The following PLOD2 variants were observed in gnomAD, a reference collection of about 807,000 sequenced individuals.
The protein encoded by PLOD2 is lysine hydroxylase 2.
Under a neutral mutation model 101.0 loss-of-function variants are expected in PLOD2, and 65 were observed. That is an observed-to-expected ratio of 0.64 (90% CI 0.53 to 0.79). The LOEUF (loss-of-function observed/expected upper bound fraction) is 0.79. Ranked by LOEUF, PLOD2 falls within the 30% of genes least tolerant of loss-of-function variation. PLOD2 has a pLI of 0.00. For missense variants in PLOD2, 909 were observed against 914.6 expected, an observed-to-expected ratio of 0.99 and a Z score of 0.08; for synonymous variants, 314 against 302.9, an observed-to-expected ratio of 1.04 and a Z score of -0.38.
chr3:146,084,711 G>T (rs182463900), intron 11 of PLOD2, among the ~76,000 whole-genome samples: 7 of 152,174 alleles, frequency 4.6e-5, no homozygotes, highest in African/African-American at 1.4e-4. Flanking sequence ...ACTGTGAAGT[G>T]ATAACTAGTT....
At chr3:146,136,749 CG>C (rs2031251804) in intron 1 of PLOD2, among the ~76,000 whole-genome samples, 1 of 152,052 alleles carries the variant, frequency 6.6e-6, no homozygotes, top group Non-Finnish European at 1.5e-5. Flanking sequence ...CCTAAATATT[CG>C]GTACAGTAAC....
intron 1 of PLOD2, among the ~76,000 whole-genome samples, chr3:146,146,994 A>G (rs993288171): frequency 6.6e-6 from 1 of 152,202 alleles, no homozygotes; most frequent in Non-Finnish European, 1.5e-5. Flanking sequence ...TGTAAGGCCT[A>G]TAGGCAGAGA....
chr3:146,085,586 T>C (rs1031879091), intron 10 of PLOD2: 11 of 377,308 alleles, frequency 2.9e-5, no homozygotes, highest in South Asian at 5.4e-5. Flanking sequence ...CATACATACA[T>C]ACACATGCAC....
chr3:146,104,695 C>CTGTA (rs1301856628), intron 5 of PLOD2, among the ~76,000 whole-genome samples: 1 of 152,148 alleles, frequency 6.6e-6, no homozygotes, highest in African/African-American at 2.4e-5. Flanking sequence ...TCTTGCTTTA[C>CTGTA]TGTACTCCAG....
chr3:146,134,386 T>A (rs1404064387), intron 1 of PLOD2, among the ~76,000 whole-genome samples: 1 of 152,210 alleles, frequency 6.6e-6, no homozygotes, highest in African/African-American at 2.4e-5. Context: ...ATATACTAGA[T>A]ATAATTTTAA....
At chr3:146,150,421 T>C (rs1200669699) in intron 1 of PLOD2, among the ~76,000 whole-genome samples, 1 of 152,170 alleles carries the variant, frequency 6.6e-6, no homozygotes, top group African/African-American at 2.4e-5. Flanking sequence ...TCATGTTTTT[T>C]GCGAGAACAT....
At chr3:146,141,876 AC>A (rs1194295030) in intron 1 of PLOD2, among the ~76,000 whole-genome samples, 1 of 152,130 alleles carries the variant, frequency 6.6e-6, no homozygotes, top group Non-Finnish European at 1.5e-5. Flanking sequence ...AAAGGTTTTA[AC>A]AGAGAAAGTT....
chr3:146,083,650 T>C (rs1407887776), intron 11 of PLOD2, among the ~76,000 whole-genome samples: 3 of 150,302 alleles, frequency 2.0e-5, no homozygotes, highest in Non-Finnish European at 4.4e-5. Flanking sequence ...GGCGCAATCT[T>C]GGCTCACTGC....
chr3:146,129,431 T>C (rs1472723225), intron 1 of PLOD2, among the ~76,000 whole-genome samples: 1 of 152,236 alleles, frequency 6.6e-6, no homozygotes, highest in Non-Finnish European at 1.5e-5. Flanking sequence ...GTTGGCCATA[T>C]GGATCTGAAG....
chr3:146,098,775 C>G (rs917148737), intron 7 of PLOD2, among the ~76,000 whole-genome samples: 1 of 152,014 alleles, frequency 6.6e-6, no homozygotes, highest in South Asian at 2.1e-4. Flanking sequence ...TATTATGGCT[C>G]AAAACCACTA....
At chr3:146,096,885 G>GGGAGGA (rs1285406857) in intron 7 of PLOD2, among the ~76,000 whole-genome samples, 3 of 91,860 alleles carry the variant, frequency 3.3e-5, no homozygotes, top group Non-Finnish European at 7.0e-5. Flanking sequence ...GGAGGTGGGG[G>GGGAGGA]GGGGGAGTCG....
At chr3:146,114,119 C>A (rs1937778363) in intron 3 of PLOD2, among the ~76,000 whole-genome samples, 1 of 152,144 alleles carries the variant, frequency 6.6e-6, no homozygotes. Context: ...TGTCTGCTCT[C>A]AAACCCTGTC....
chr3:146,154,710 G>A (rs1173786561), intron 1 of PLOD2, among the ~76,000 whole-genome samples: 2 of 152,028 alleles, frequency 1.3e-5, no homozygotes, highest in African/African-American at 2.4e-5. Context: ...ATTCAAGAAA[G>A]GGGGAGTATA....
At chr3:146,138,266 G>A (rs2031347146) in intron 1 of PLOD2, among the ~76,000 whole-genome samples, 1 of 151,848 alleles carries the variant, frequency 6.6e-6, no homozygotes, top group African/African-American at 2.4e-5. Flanking sequence ...TAGAGACTCA[G>A]CATTCAAGAC....
At chr3:146,153,767 T>C (rs971227669) in intron 1 of PLOD2, among the ~76,000 whole-genome samples, 2 of 136,948 alleles carry the variant, frequency 1.5e-5, no homozygotes, top group Admixed American at 1.5e-4. Context: ...TCAAGAACAA[T>C]AAAAATTATG....
chr3:146,156,454 A>G (rs967548695), intron 1 of PLOD2, among the ~76,000 whole-genome samples: 10 of 152,262 alleles, frequency 6.6e-5, no homozygotes, highest in Admixed American at 2.6e-4. Context: ...CTGAGAGCCA[A>G]TAAAACTTTA....
chr3:146,083,577 C>CTTTTTTTT (rs869301001), intron 11 of PLOD2, among the ~76,000 whole-genome samples: 2 of 75,792 alleles, frequency 2.6e-5, no homozygotes, highest in African/African-American at 5.2e-5. Context: ...AAGTCTTTTT[C>CTTTTTTTT]TTTTTTTTTT....
chr3:146,084,654 C>T (rs1039929970), intron 11 of PLOD2, among the ~76,000 whole-genome samples: 1 of 152,042 alleles, frequency 6.6e-6, no homozygotes, highest in African/African-American at 2.4e-5. Flanking sequence ...AGCTGATATA[C>T]ATGGTGTCTT....
intron 1 of PLOD2, among the ~76,000 whole-genome samples, chr3:146,160,327 A>G (rs1480013289): frequency 6.6e-6 from 1 of 152,236 alleles, no homozygotes; most frequent in African/African-American, 2.4e-5. Flanking sequence ...TCCCAAAGGA[A>G]GAAAGCTGCC....
Sources: gnomAD v4.1 joint callset for allele counts (sites outside exome capture counted in the v4.1 genomes callset) on GRCh38, gnomAD v4.1.1 for gene constraint, MANE v1.5 for transcripts, NCBI Gene and HGNC (gene_info 2026-07-23, HGNC 2026-07-21) for gene names.